Variants in SCP2 observed in about 807,000 individuals in gnomAD.
SCP2 encodes SCP-2/3-oxoacyl-CoA thiolase.
Under a neutral mutation model 71.4 loss-of-function variants are expected in SCP2, and 48 were observed. The observed-to-expected ratio is 0.67, with a 90% CI of 0.53 to 0.86. SCP2 has a LOEUF of 0.86. Among genes scored for constraint, SCP2 ranks in the 40% least tolerant of loss-of-function variants. The pLI is 0.00. For missense variants in SCP2, 560 were observed against 655.6 expected (o/e 0.85, Z 1.59); for synonymous variants, 220 against 218.1 (o/e 1.01, Z -0.08).
intron 3 of SCP2, among the ~76,000 whole-genome samples, chr1:52,949,492 G>A (rs536008099): frequency 1.3e-4 from 20 of 152,300 alleles, no homozygotes; most frequent in African/African-American, 4.8e-4. Flanking sequence ...GTTTTGCCAC[G>A]AGAGTACACT....
intron 9 of SCP2, 94 bp from the exon 10 acceptor site, chr1:52,980,302 A>G: frequency 8.6e-7 from 1 of 1,162,770 alleles, no homozygotes; most frequent in Middle Eastern, 2.5e-4. Flanking sequence ...GTCAATTATC[A>G]GTTGTTAAGG....
chr1:52,959,452 C>G (rs1414740221), intron 5 of SCP2, among the ~76,000 whole-genome samples: 1 of 152,050 alleles, frequency 6.6e-6, no homozygotes, highest in Non-Finnish European at 1.5e-5. Flanking sequence ...GCCTCGACCT[C>G]CCAAAGTGAG....
At chr1:52,973,057 G>A (rs745769777) in intron 6 of SCP2, among the ~76,000 whole-genome samples, 7 of 152,180 alleles carry the variant, frequency 4.6e-5, no homozygotes, top group Non-Finnish European at 8.8e-5. Context: ...TCCAGCTTTA[G>A]GTTTGGTGAG....
intron 6 of SCP2, among the ~76,000 whole-genome samples, chr1:52,974,018 TC>T (rs1368405251): frequency 6.6e-6 from 1 of 152,204 alleles, no homozygotes; most frequent in African/African-American, 2.4e-5. Flanking sequence ...CTGAAGATCA[TC>T]CTCCTTGATA....
At chr1:52,932,256 A>G (rs1653223672) in intron 1 of SCP2, among the ~76,000 whole-genome samples, 1 of 152,210 alleles carries the variant, frequency 6.6e-6, no homozygotes, top group Non-Finnish European at 1.5e-5. Flanking sequence ...AAGGCACATT[A>G]TCCTGAAATA....
chr1:52,976,381 G>T (rs917889975), intron 7 of SCP2, among the ~76,000 whole-genome samples: 9 of 152,028 alleles, frequency 5.9e-5, no homozygotes, highest in Admixed American at 2.0e-4. Flanking sequence ...AGATAACAAG[G>T]CCCACCATAA....
intron 1 of SCP2, 124 bp downstream of exon 1, chr1:52,927,589 G>C (rs1266838006): frequency 1.3e-6 from 1 of 753,874 alleles, no homozygotes; most frequent in African/African-American, 1.7e-5. Context: ...GTGGCGACTT[G>C]GTGGCTTGTA....
At chr1:52,977,905 G>C (rs1658122882) in intron 8 of SCP2, among the ~76,000 whole-genome samples, 1 of 151,408 alleles carries the variant, frequency 6.6e-6, no homozygotes, top group African/African-American at 2.4e-5. Context: ...GGTTGCAGTT[G>C]CAATGAGCCA....
At chr1:52,998,754 G>A (rs556277162) in intron 11 of SCP2, among the ~76,000 whole-genome samples, 3 of 152,200 alleles carry the variant, frequency 2.0e-5, no homozygotes, top group South Asian at 4.2e-4. Flanking sequence ...GATTGTTATC[G>A]GCGTATATTT....
chr1:52,931,170 T>G (rs1242330), intron 1 of SCP2, among the ~76,000 whole-genome samples: 62,553 of 151,804 alleles, frequency 0.41, 15,398 homozygotes, highest in Non-Finnish European at 0.57. Flanking sequence ...AGCTGAGATA[T>G]ATCGGAAGAT....
rs1660809077 is a variant in SCP2, at chr1:53,008,904, C to T, written c.1082-5986C>T. On this transcript the variant is annotated intron_variant, in intron 11 of 15. Coordinates refer to ENST00000371514, the MANE Select transcript of SCP2 (RefSeq NM_002979.5). Reference sequence around the variant, plus strand: ...CCCCATCGTCTTAGCCCAAAATCTCCTTAAGCTGATAAGCAACTTCAGCAA... The same window carrying T: ...CCCCATCGTCTTAGCCCAAAATCTCTTTAAGCTGATAAGCAACTTCAGCAA... Among the ~76,000 whole-genome samples the T allele has an allele frequency of 4.6e-5, 7 of 152,300 alleles. 1 individual carries two copies. In the South Asian group the frequency reaches 1.4e-3, roughly 32 times the overall value.
chr1:53,014,096 G>A (rs1377373996), intron 11 of SCP2, among the ~76,000 whole-genome samples: 1 of 146,332 alleles, frequency 6.8e-6, no homozygotes, highest in Non-Finnish European at 1.5e-5. Context: ...TAGTAGAGAC[G>A]GGGTTTCACC....
At chr1:52,997,909 C>T (rs1323169585) in intron 11 of SCP2, among the ~76,000 whole-genome samples, 1 of 152,244 alleles carries the variant, frequency 6.6e-6, no homozygotes, top group East Asian at 1.9e-4. Context: ...CTCTCTCACT[C>T]TCCACCACCA....
In SCP2 at chr1:53,014,898, C is replaced by A; in HGVS notation, c.1090C>A (p.Gln364Lys). 6.2e-7 allele frequency: 1 copy of A among 1,613,034 alleles called. No homozygotes were observed. The highest frequency in any genetic ancestry group is 1.1e-5 in the South Asian group (1 of 90,992). ...TGTGTTCGATTTGTTAGGTCTTGCT[C>A]AGTGTGCAGAACTCTGCTGGCAGCT... ...GHPLGATGLA[Q>K]CAELCWQLRG... Residue 364 changes from glutamine to lysine, a missense_variant, in exon 12 of 16, where the codon CAG becomes AAG. Around this residue, in one of 3 missense-constraint regions of SCP2, gnomAD observed 513 missense variants for 573.1 expected, o/e 0.90. Coordinates refer to ENST00000371514, the MANE Select transcript of SCP2 (RefSeq NM_002979.5).
chr1:52,987,008 T>TATATA lies in SCP2; in HGVS notation c.974-1021_974-1020insATATA, dbSNP rs1410912982. ...TCTGTATATATATATATATATATAT[T>TATATA]TTTTTTTTTTTTTTTTTGAGACAGA... On this transcript the variant is annotated intron_variant, in intron 10 of 15. Transcript: ENST00000371514. Among the ~76,000 whole-genome samples, 617 of 67,912 alleles carry TATATA rather than the reference T, an allele frequency of 9.1e-3. 2 individuals carry two copies. The highest frequency in any genetic ancestry group is 0.038 in the African/African-American group (507 of 13,364). 44.6% of individuals were successfully genotyped at this position (67,912 alleles called of 152,430 possible).
At position 52,961,336 on chromosome 1, in the gene SCP2, C is replaced by T. The variant is rs535507049; in HGVS notation, c.397-167C>T. The stretch of plus-strand genomic sequence containing the variant: ...TTTGGTCACTTGATTATTTTTTCTT[C>T]TTCCCATGTTTCCCTGTGGAGCATG... On this transcript the variant is annotated intron_variant, in intron 5 of 15. Coordinates refer to ENST00000371514, the MANE Select transcript of SCP2 (RefSeq NM_002979.5). Among the ~76,000 whole-genome samples the T allele has an allele frequency of 4.0e-5, 6 of 149,732 alleles. No individual in the cohort carries two copies. The South Asian group carries it at 1.3e-3, about 32-fold the overall frequency.
At chr1:53,030,261 A>G (rs1358518558) in intron 13 of SCP2, among the ~76,000 whole-genome samples, 1 of 152,172 alleles carries the variant, frequency 6.6e-6, no homozygotes, top group Non-Finnish European at 1.5e-5. Context: ...CCTGTGATGA[A>G]TATCAGGTTG....
intron 13 of SCP2, among the ~76,000 whole-genome samples, chr1:53,033,192 A>G (rs1238568763): frequency 6.6e-6 from 1 of 152,202 alleles, no homozygotes; most frequent in East Asian, 1.9e-4. Context: ...TATTAAAACT[A>G]AACATTTTAG....
At chr1:52,953,530 G>T (rs1234426374) in intron 4 of SCP2, among the ~76,000 whole-genome samples, 1 of 151,984 alleles carries the variant, frequency 6.6e-6, no homozygotes, top group Non-Finnish European at 1.5e-5. Flanking sequence ...ATATTTTGTA[G>T]AGATGGGGTC....
Sources: gnomAD v4.1 joint callset for allele counts (sites outside exome capture counted in the v4.1 genomes callset) on GRCh38, gnomAD v4.1.1 for gene constraint, gnomAD v4.1.1 regional missense constraint, MANE v1.5 for transcripts, NCBI Gene and HGNC (gene_info 2026-07-23, HGNC 2026-07-21) for gene names.